ZFAT: variants seen among roughly 807,000 people sequenced by gnomAD.
ZFAT encodes zinc finger and AT-hook domain containing.
In ZFAT, 64 loss-of-function variants were observed where a neutral mutation model predicts 117.7. That is an observed-to-expected ratio of 0.54 (90% CI 0.44 to 0.67). The LOEUF is 0.67. ZFAT is among the 30% of genes least tolerant of loss of function. The pLI, the probability that ZFAT is intolerant of heterozygous loss-of-function variation, is 0.00. For synonymous variants in ZFAT, 679 were observed against 615.0 expected, an observed-to-expected ratio of 1.10 and a Z score of -1.54; for missense variants, 1,433 against 1,584.5, an observed-to-expected ratio of 0.90 and a Z score of 1.62.
Position 134,478,450 on chromosome 8 carries a change from C to T in ZFAT, c.*32G>A. The stretch of plus-strand genomic sequence containing the variant: ...TGGGTGCCTGCAGAGCCTGGCAGCC[C>T]CGCCCTGTGGCCATCCGATGCCACA... On this transcript the variant is annotated 3_prime_UTR_variant, in exon 16 of 16. Transcript: ENST00000377838. This position sits in a 1 kb window ranked among gnomAD's most constrained non-coding sequence, Gnocchi z 5.2. The T allele has an allele frequency of 6.5e-7, 1 of 1,543,434 alleles. No homozygotes were observed. Among genetic ancestry groups the T allele is most frequent in the Non-Finnish European group, 8.8e-7 (1 of 1,141,888 alleles).
chr8:134,632,372 C>G (rs1224791440), intron 3 of ZFAT, among the ~76,000 whole-genome samples: 1 of 152,202 alleles, frequency 6.6e-6, no homozygotes, highest in Non-Finnish European at 1.5e-5. Flanking sequence ...TTCTGGCCAA[C>G]AGTAGATTAT....
intron 5 of ZFAT, among the ~76,000 whole-genome samples, chr8:134,607,321 G>GA (rs899741586): frequency 6.6e-6 from 1 of 152,192 alleles, no homozygotes; most frequent in African/African-American, 2.4e-5. Flanking sequence ...ACATTTACAA[G>GA]AATAGAGGAT....
the ZFAT span, among the ~76,000 whole-genome samples, chr8:134,801,441 A>G: frequency 6.6e-6 from 1 of 152,162 alleles, no homozygotes; most frequent in Non-Finnish European, 1.5e-5. Context: ...TATAATAACC[A>G]CTGCCAGCAA....
chr8:134,657,858 G>A, intron 1 of ZFAT, 121 bp from the exon 2 acceptor site: 1 of 1,089,678 alleles, frequency 9.2e-7, no homozygotes, highest in South Asian at 1.6e-5. Flanking sequence ...CTACCAGATT[G>A]TGTCTCTCTG....
At chr8:134,774,624 A>G in the ZFAT span, among the ~76,000 whole-genome samples, 6 of 152,252 alleles carry the variant, frequency 3.9e-5, no homozygotes, top group Non-Finnish European at 5.9e-5. Context: ...AGACTACAGT[A>G]TATTGTAAAT....
chr8:134,597,899 C>T (rs67935034), intron 7 of ZFAT: 35,675 of 152,192 alleles, frequency 0.23, 4,620 homozygotes, highest in East Asian at 0.53. Context: ...GAGTCACACC[C>T]CCTTATTCAG....
rs1406623136 is a variant in ZFAT at position 134,601,973 on chromosome 8, G to A, written c.1746C>T (p.Val582=). The part of the protein sequence containing the change: ...LPPCELETTV[V]SSSDLHSQEV... Reference sequence around the variant, plus strand: ...CTTGAGAATGCAGGTCTGAGGAGGAGACCACGGTGGTTTCCAGCTCACAGG... The same window carrying A: ...CTTGAGAATGCAGGTCTGAGGAGGAAACCACGGTGGTTTCCAGCTCACAGG... Residue 582 remains valine, a synonymous_variant, in exon 6 of 16, where the codon GTC becomes GTT. Transcript: ENST00000377838. The A allele has an allele frequency of 6.2e-7, 1 of 1,613,706 alleles. No homozygotes were observed. Among genetic ancestry groups the A allele is most frequent in the African/African-American group, 1.3e-5 (1 of 74,952 alleles).
intron 12 of ZFAT, among the ~76,000 whole-genome samples, chr8:134,530,003 G>A (rs1821297953): frequency 6.6e-6 from 1 of 152,138 alleles, no homozygotes; most frequent in Non-Finnish European, 1.5e-5. Flanking sequence ...GACCTCCTCT[G>A]CAGCACTGTG....
chr8:134,487,364 C>T (rs546071184), intron 15 of ZFAT, among the ~76,000 whole-genome samples: 4 of 152,158 alleles, frequency 2.6e-5, no homozygotes, highest in Non-Finnish European at 4.4e-5. Context: ...GGATGCTATA[C>T]CTCCTGTAAT....
intron 11 of ZFAT, among the ~76,000 whole-genome samples, chr8:134,542,014 A>C (rs376881887): frequency 6.6e-6 from 1 of 152,182 alleles, no homozygotes; most frequent in African/African-American, 2.4e-5. Flanking sequence ...AGGACCTTGA[A>C]GGCCAGGCCA....
In ZFAT at chr8:134,555,815, G is replaced by GA. The variant is rs146881622; in HGVS notation, c.2976+9517dup. On this transcript the variant is annotated intron_variant, in intron 11 of 15. Transcript: ENST00000377838. Reference sequence around the variant, plus strand: ...AGAACAAATACGTTAAAAGCTCTAGGAAAAAAAAAATAAAAAACATGTGTG... The same window carrying GA: ...AGAACAAATACGTTAAAAGCTCTAGGAAAAAAAAAAATAAAAAACATGTGTG... Among the ~76,000 whole-genome samples the GA allele has an allele frequency of 2.2e-4, 33 of 147,366 alleles. No homozygotes were observed. In the South Asian group the frequency reaches 2.4e-3, roughly 11 times the overall value.
intron 1 of ZFAT, 116 bp downstream of exon 1, chr8:134,712,727 CGG>C: frequency 9.1e-6 from 8 of 874,740 alleles, no homozygotes; most frequent in Non-Finnish European, 1.3e-5. Flanking sequence ...CCGCGGCCGG[CGG>C]CCGGCGGCCG....
At chr8:134,656,626 G>A (rs1029942567) in intron 2 of ZFAT, among the ~76,000 whole-genome samples, 5 of 152,142 alleles carry the variant, frequency 3.3e-5, no homozygotes, top group African/African-American at 7.2e-5. Context: ...AATGGTGTCC[G>A]ACAGATGATG....
At chr8:134,815,831 G>T in the ZFAT span, among the ~76,000 whole-genome samples, 1 of 152,190 alleles carries the variant, frequency 6.6e-6, no homozygotes, top group South Asian at 2.1e-4. Context: ...GTCTGAAGTG[G>T]GCTTTCACCA....
At chr8:134,509,262 G>C (rs1819636246) in intron 15 of ZFAT, among the ~76,000 whole-genome samples, 1 of 152,144 alleles carries the variant, frequency 6.6e-6, no homozygotes, top group African/African-American at 2.4e-5. Context: ...CATCCTACTA[G>C]CTCAATTTAC....
the ZFAT span, among the ~76,000 whole-genome samples, chr8:134,757,612 C>T: frequency 6.6e-6 from 1 of 152,208 alleles, no homozygotes; most frequent in South Asian, 2.1e-4. Flanking sequence ...TCCTGGTATA[C>T]TTCCGGCACT....
chr8:134,669,022 T>A (rs1201394562), intron 1 of ZFAT, among the ~76,000 whole-genome samples: 3 of 151,958 alleles, frequency 2.0e-5, no homozygotes, highest in Admixed American at 2.0e-4. Flanking sequence ...ATCAAATGAA[T>A]GAAATGAAGT....
chr8:134,637,497 T>C lies in ZFAT; in HGVS notation c.412A>G (p.Ile138Val), dbSNP rs1469022262. The part of the protein sequence containing the change: ...TRQLRKHICI[I>V]VLNLGEEEGE... ...TCCTCCTCACCCAAATTCAGCACGA[T>C]AATGCAGATGTGCTTCCGCAGCTGG... Residue 138 changes from isoleucine (I) to valine (V), a missense_variant, in exon 3 of 16, where the codon ATC (isoleucine) becomes GTC (valine). By Grantham distance (29) the Ile-to-Val change is conservative (BLOSUM62 3). Transcript: ENST00000377838. 1 of 1,613,744 alleles carries C rather than the reference T, an allele frequency of 6.2e-7. No individual in the cohort carries two copies.
At chr8:134,770,832 C>T in the ZFAT span, among the ~76,000 whole-genome samples, 1 of 152,214 alleles carries the variant, frequency 6.6e-6, no homozygotes, top group Non-Finnish European at 1.5e-5. Flanking sequence ...GTAGCTGTCT[C>T]TTATGGTCGA....
Sources: allele counts gnomAD v4.1 joint callset (sites outside exome capture counted in the v4.1 genomes callset), GRCh38; gene constraint gnomAD v4.1.1; non-coding constraint Gnocchi (gnomAD v3.1); transcripts MANE v1.5; gene names NCBI Gene and HGNC (gene_info 2026-07-23, HGNC 2026-07-21).